The following RNF6 variants were observed in gnomAD, a reference collection of about 807,000 sequenced individuals.
The protein encoded by RNF6 is ring finger protein 6, also known as E3 ubiquitin-protein ligase RNF6.
RNF6 carries 21 observed loss-of-function variants against 50.1 expected under a neutral mutation model. The observed-to-expected ratio is 0.42, with a 90% CI of 0.30 to 0.60. The LOEUF (loss-of-function observed/expected upper bound fraction) is 0.60. Among genes scored for constraint, RNF6 ranks in the 20% least tolerant of loss-of-function variants. RNF6 has a pLI of 0.20. For missense variants in RNF6, 698 were observed against 838.2 expected (o/e 0.83, Z 2.07); for synonymous variants, 255 against 291.8 (o/e 0.87, Z 1.29).
chr13:26,221,980 C>G (rs888512887), intron 1 of RNF6, 23 bp downstream of exon 1: 3 of 152,310 alleles, frequency 2.0e-5, no homozygotes, highest in Admixed American at 1.3e-4. Context: ...GTGGTGGGAC[C>G]CAGATCTTTC....
intron 5 of RNF6, among the ~76,000 whole-genome samples, chr13:26,145,450 AG>A (rs869057756): frequency 0.02 from 548 of 27,442 alleles, 13 homozygotes; most frequent in African/African-American, 0.064. Context: ...AATCATGGGG[AG>A]GGGGGGGGAC....
chr13:26,158,624 T>C (rs1185274767), intron 5 of RNF6, among the ~76,000 whole-genome samples: 1 of 152,128 alleles, frequency 6.6e-6, no homozygotes, highest in African/African-American at 2.4e-5. Context: ...TTGCATGACA[T>C]TGCTGAGTGA....
intron 5 of RNF6, among the ~76,000 whole-genome samples, chr13:26,175,938 G>C (rs765595652): frequency 1.3e-4 from 20 of 152,064 alleles, no homozygotes; most frequent in Non-Finnish European, 2.4e-4. Flanking sequence ...GGGGGTGGAG[G>C]AGATTGGAAC....
intron 3 of RNF6, 61 bp downstream of exon 3, chr13:26,219,396 C>T: frequency 7.6e-7 from 1 of 1,321,134 alleles, no homozygotes; most frequent in Non-Finnish European, 1.0e-6. Context: ...TTCTCCTTAT[C>T]TTGAAATCCT....
intron 5 of RNF6, among the ~76,000 whole-genome samples, chr13:26,188,127 C>T (rs752255269): frequency 6.6e-6 from 1 of 152,178 alleles, no homozygotes; most frequent in African/African-American, 2.4e-5. Context: ...GCCATCCAGA[C>T]CATCACAACT....
intron 5 of RNF6, among the ~76,000 whole-genome samples, chr13:26,140,098 A>G (rs907835241): frequency 6.6e-6 from 1 of 152,204 alleles, no homozygotes; most frequent in Admixed American, 6.5e-5. Context: ...CTTTCCAATT[A>G]CTTATGAATA....
intron 5 of RNF6, among the ~76,000 whole-genome samples, chr13:26,164,308 C>A (rs760826482): frequency 2.2e-4 from 34 of 152,158 alleles, no homozygotes; most frequent in Non-Finnish European, 4.4e-4. Context: ...TAGGCTAGAG[C>A]CACCAACCCT....
At chr13:26,135,718 G>A (rs1870612638) in intron 5 of RNF6, 1 of 152,176 alleles carries the variant, frequency 6.6e-6, no homozygotes, top group African/African-American at 2.4e-5. Flanking sequence ...TCTCACGTAG[G>A]ACTGTGACCA....
At chr13:26,172,307 C>T (rs972857074) in intron 5 of RNF6, among the ~76,000 whole-genome samples, 1 of 152,064 alleles carries the variant, frequency 6.6e-6, no homozygotes, top group Admixed American at 6.6e-5. Flanking sequence ...TCTTCCACTA[C>T]TCACAAAAAT....
chr13:26,202,490 A>C (rs1490591725), intron 5 of RNF6, among the ~76,000 whole-genome samples: 2 of 152,246 alleles, frequency 1.3e-5, no homozygotes, highest in East Asian at 3.8e-4. Flanking sequence ...TTTTGTGGCT[A>C]TGCCAGGTTC....
intron 5 of RNF6, among the ~76,000 whole-genome samples, chr13:26,151,967 G>A (rs1162063487): frequency 6.6e-6 from 1 of 152,108 alleles, no homozygotes; most frequent in Non-Finnish European, 1.5e-5. Flanking sequence ...GTTCATGTCA[G>A]TGAGCTGCTC....
At chr13:26,168,335 C>G (rs1872540931) in intron 5 of RNF6, among the ~76,000 whole-genome samples, 1 of 152,200 alleles carries the variant, frequency 6.6e-6, no homozygotes, top group Non-Finnish European at 1.5e-5. Context: ...CTCAGGCAGA[C>G]AGGCCCTTCT....
At chr13:26,136,729 C>T (rs1870664075) in intron 5 of RNF6, among the ~76,000 whole-genome samples, 1 of 152,048 alleles carries the variant, frequency 6.6e-6, no homozygotes, top group East Asian at 1.9e-4. Flanking sequence ...CAAAAAATGA[C>T]TAATATGTAA....
chr13:26,219,212 C>T (rs1426321886), intron 3 of RNF6: 3 of 360,708 alleles, frequency 8.3e-6, no homozygotes, highest in Non-Finnish European at 9.9e-6. Flanking sequence ...CCATTATGTA[C>T]ATTAACCTGT....
chr13:26,190,550 C>G (rs1229488968), intron 5 of RNF6, among the ~76,000 whole-genome samples: 1 of 152,186 alleles, frequency 6.6e-6, no homozygotes, highest in African/African-American at 2.4e-5. Context: ...TGTTGGCCAA[C>G]CCTAAATGTG....
chr13:26,145,450 A>AG (rs869057756), intron 5 of RNF6, among the ~76,000 whole-genome samples: 23 of 27,444 alleles, frequency 8.4e-4, no homozygotes, highest in South Asian at 4.3e-3. Flanking sequence ...AATCATGGGG[A>AG]GGGGGGGGGA....
intron 5 of RNF6, among the ~76,000 whole-genome samples, chr13:26,167,508 T>G (rs1872508805): frequency 6.6e-6 from 1 of 152,176 alleles, no homozygotes; most frequent in Admixed American, 6.5e-5. Flanking sequence ...AGATACCATC[T>G]TAAATCAGTC....
chr13:26,176,343 G>A (rs9512142), intron 5 of RNF6, among the ~76,000 whole-genome samples: 41,164 of 151,966 alleles, frequency 0.27, 6,340 homozygotes, highest in African/African-American at 0.42. Flanking sequence ...AGGCTGGAGT[G>A]CAATGGCACA....
At chr13:26,200,781 G>A (rs1868869264) in intron 5 of RNF6, among the ~76,000 whole-genome samples, 1 of 152,162 alleles carries the variant, frequency 6.6e-6, no homozygotes, top group Non-Finnish European at 1.5e-5. Flanking sequence ...GATAGTGTGA[G>A]CAGAGGAGAT....
Sources: gnomAD v4.1 joint callset for allele counts (sites outside exome capture counted in the v4.1 genomes callset) on GRCh38, gnomAD v4.1.1 for gene constraint, MANE v1.5 for transcripts, NCBI Gene and HGNC (gene_info 2026-07-23, HGNC 2026-07-21) for gene names.